Variants in EGFLAM observed in about 807,000 individuals in gnomAD.
EGFLAM encodes pikachurin.
A neutral mutation model predicts 113.1 loss-of-function variants in EGFLAM; 79 were observed. The observed-to-expected ratio is 0.70, with a 90% CI of 0.58 to 0.84. EGFLAM has a LOEUF of 0.84. Among genes scored for constraint, EGFLAM ranks in the 40% least tolerant of loss-of-function variants. The pLI is 0.00. For synonymous variants in EGFLAM, 504 were observed against 487.6 expected (o/e 1.03, Z -0.44); for missense variants, 1,265 against 1,291.6 (o/e 0.98, Z 0.32).
chr5:38,297,284 A>G (rs1758471314), intron 1 of EGFLAM, among the ~76,000 whole-genome samples: 2 of 152,180 alleles, frequency 1.3e-5, no homozygotes. Flanking sequence ...TGTAAGTATA[A>G]ACTTATTTCA....
At chr5:38,362,089 T>C (rs1472966095) in intron 5 of EGFLAM, among the ~76,000 whole-genome samples, 1 of 151,964 alleles carries the variant, frequency 6.6e-6, no homozygotes, top group Non-Finnish European at 1.5e-5. Context: ...ATAAAAACCA[T>C]ACAAAAGCCA....
chr5:38,437,496 C>T (rs1293207331), intron 16 of EGFLAM, among the ~76,000 whole-genome samples: 2 of 152,212 alleles, frequency 1.3e-5, no homozygotes, highest in Non-Finnish European at 2.9e-5. Context: ...ACTCTCCCCA[C>T]TCTGCTTTAT....
At chr5:38,322,183 A>G (rs1738760710) in intron 1 of EGFLAM, among the ~76,000 whole-genome samples, 3 of 152,178 alleles carry the variant, frequency 2.0e-5, no homozygotes, top group Non-Finnish European at 4.4e-5. Context: ...CCCGTCCTGG[A>G]GCACAGCAAC....
chr5:38,441,593 T>TACACACACACACACACACAC (rs3048229), intron 17 of EGFLAM, among the ~76,000 whole-genome samples: 98 of 147,656 alleles, frequency 6.6e-4, no homozygotes, highest in East Asian at 1.8e-3. Flanking sequence ...CGCTGCTTTG[T>TACACACACACACACACACAC]ACACACACAC....
At chr5:38,449,021 T>C (rs1742817548) in intron 18 of EGFLAM, among the ~76,000 whole-genome samples, 1 of 152,224 alleles carries the variant, frequency 6.6e-6, no homozygotes, top group Admixed American at 6.5e-5. Context: ...GAGTCCTCGC[T>C]CTTGGTTTGG....
chr5:38,399,100 G>T (rs1741036289), intron 6 of EGFLAM, among the ~76,000 whole-genome samples: 1 of 152,140 alleles, frequency 6.6e-6, no homozygotes, highest in Admixed American at 6.5e-5. Context: ...CTTCTGTCCA[G>T]TCCAGACTAT....
At chr5:38,269,863 G>T (rs1225516983) in intron 1 of EGFLAM, among the ~76,000 whole-genome samples, 2 of 152,188 alleles carry the variant, frequency 1.3e-5, no homozygotes, top group Non-Finnish European at 2.9e-5. Flanking sequence ...CTACCAGGAA[G>T]TCAGGGCTGA....
At chr5:38,412,080 G>A (rs1019901327) in intron 10 of EGFLAM, among the ~76,000 whole-genome samples, 1 of 152,304 alleles carries the variant, frequency 6.6e-6, no homozygotes, top group Middle Eastern at 3.4e-3. Flanking sequence ...GATTACAGAC[G>A]TAACTCACCA....
At chr5:38,293,809 A>G (rs182568100) in intron 1 of EGFLAM, among the ~76,000 whole-genome samples, 1 of 152,292 alleles carries the variant, frequency 6.6e-6, no homozygotes, top group African/African-American at 2.4e-5. Context: ...TTTGTAGGAA[A>G]AATATGTCCC....
At chr5:38,334,684 A>G (rs1739139048) in intron 1 of EGFLAM, among the ~76,000 whole-genome samples, 2 of 152,208 alleles carry the variant, frequency 1.3e-5, no homozygotes, top group Non-Finnish European at 2.9e-5. Flanking sequence ...GTGGCTTTTT[A>G]AACAAATTTT....
intron 20 of EGFLAM, among the ~76,000 whole-genome samples, chr5:38,459,677 G>C (rs546426554): frequency 6.6e-6 from 1 of 152,062 alleles, no homozygotes; most frequent in Non-Finnish European, 1.5e-5. Context: ...GAAACATGGC[G>C]CCCACCATGG....
intron 1 of EGFLAM, among the ~76,000 whole-genome samples, chr5:38,320,999 G>T (rs2111892567): frequency 6.6e-6 from 1 of 152,194 alleles, no homozygotes; most frequent in African/African-American, 2.4e-5. Context: ...TTTTTCCATG[G>T]ATGAGGGTGG....
At chr5:38,386,637 G>T (rs897841879) in intron 6 of EGFLAM, among the ~76,000 whole-genome samples, 1 of 152,186 alleles carries the variant, frequency 6.6e-6, no homozygotes, top group Admixed American at 6.5e-5. Context: ...CTCCCAAGTA[G>T]CTGGGACTAC....
chr5:38,270,413 T>C (rs978437040), intron 1 of EGFLAM, among the ~76,000 whole-genome samples: 3 of 152,236 alleles, frequency 2.0e-5, no homozygotes, highest in African/African-American at 7.2e-5. Flanking sequence ...AGTCTCAGGA[T>C]TTCTGTTAGT....
chr5:38,343,619 A>G (rs981740344), intron 3 of EGFLAM, among the ~76,000 whole-genome samples: 6 of 152,290 alleles, frequency 3.9e-5, no homozygotes, highest in Non-Finnish European at 8.8e-5. Context: ...TCCTGTGACC[A>G]GGGAATAGAA....
Position 38,328,234 on chromosome 5 carries a change from C to T in EGFLAM, c.98-9286C>T, listed in dbSNP as rs563376370. 2.7e-4 allele frequency among the ~76,000 whole-genome samples: 41 copies of T among 152,208 alleles called. No homozygotes were observed. In the South Asian group the frequency reaches 3.7e-3, roughly 14 times the overall value. On this transcript the variant is annotated intron_variant, in intron 1 of 21. Transcript: ENST00000322350. The stretch of plus-strand genomic sequence containing the variant: ...AGCAGGAGGAACACAGGGGGAAGTG[C>T]CTTACACTTTTATTAAAGAACCAGA...
chr5:38,434,884 T>C (rs1488568571), intron 15 of EGFLAM, among the ~76,000 whole-genome samples: 3 of 152,172 alleles, frequency 2.0e-5, no homozygotes, highest in Admixed American at 2.0e-4. Context: ...ATGAGGTAGA[T>C]ACAATGACTC....
intron 1 of EGFLAM, among the ~76,000 whole-genome samples, chr5:38,272,091 T>A (rs1277775385): frequency 1.3e-5 from 2 of 152,196 alleles, no homozygotes; most frequent in Non-Finnish European, 2.9e-5. Context: ...GGAGTCACTT[T>A]GAAGCAATAT....
chr5:38,283,596 GGTCTAGGGCAGACAA>G (rs1323013589), intron 1 of EGFLAM, among the ~76,000 whole-genome samples: 1 of 152,126 alleles, frequency 6.6e-6, no homozygotes, highest in Non-Finnish European at 1.5e-5. Context: ...AACCCTGCCT[GGTCTAGGGCAGACAA>G]GTCACTTGTC....
Sources: allele counts gnomAD v4.1 joint callset (sites outside exome capture counted in the v4.1 genomes callset), GRCh38; gene constraint gnomAD v4.1.1; transcripts MANE v1.5; gene names NCBI Gene and HGNC (gene_info 2026-07-23, HGNC 2026-07-21).